The following SNX8 variants were observed in gnomAD, a reference collection of about 807,000 sequenced individuals.
SNX8 encodes sorting nexin-8.
SNX8 carries 25 observed loss-of-function variants against 51.6 expected under a neutral mutation model. The observed-to-expected ratio is 0.48, with a 90% CI of 0.35 to 0.68. The LOEUF is 0.68. SNX8 is among the 30% of genes least tolerant of loss of function. The pLI is 0.00. For missense variants in SNX8, 695 were observed against 624.0 expected (o/e 1.11, Z -1.21); for synonymous variants, 324 against 277.0 (o/e 1.17, Z -1.68).
chr7:2,343,415 C>T (rs1422988145), intron 1 of SNX8, among the ~76,000 whole-genome samples: 11 of 152,038 alleles, frequency 7.2e-5, no homozygotes, highest in Admixed American at 6.6e-4. Flanking sequence ...GTGGCTCACG[C>T]CTGTAATCCC....
chr7:2,312,105 C>A (rs575462465), intron 1 of SNX8, among the ~76,000 whole-genome samples: 1 of 152,092 alleles, frequency 6.6e-6, no homozygotes, highest in Non-Finnish European at 1.5e-5. Context: ...CCAGCAACCC[C>A]CATCTGTGGA....
chr7:2,313,857 TACTGGCCCAAGACC>T (rs1219217597), intron 1 of SNX8, among the ~76,000 whole-genome samples: 39 of 152,312 alleles, frequency 2.6e-4, no homozygotes, highest in Non-Finnish European at 5.4e-4. Flanking sequence ...GAGGTGAAAT[TACTGGCCCAAGACC>T]ACACAACCGA....
chr7:2,297,346 T>A (rs1796294352), intron 1 of SNX8, among the ~76,000 whole-genome samples: 1 of 151,228 alleles, frequency 6.6e-6, no homozygotes, highest in South Asian at 2.1e-4. Flanking sequence ...AGGTCAGGAG[T>A]TCGAGACCAG....
chr7:2,328,882 G>C (rs995355977), intron 1 of SNX8, among the ~76,000 whole-genome samples: 12 of 151,946 alleles, frequency 7.9e-5, no homozygotes, highest in African/African-American at 2.7e-4. Flanking sequence ...TCAGGAGATC[G>C]AGACCATCCT....
intron 1 of SNX8, among the ~76,000 whole-genome samples, chr7:2,295,618 A>T: frequency 1.4e-5 from 2 of 145,250 alleles, no homozygotes; most frequent in African/African-American, 2.5e-5. Flanking sequence ...AAAAAAAAAA[A>T]GGAAATGTGT....
chr7:2,302,155 C>A (rs1236825927), intron 1 of SNX8, among the ~76,000 whole-genome samples: 1 of 152,320 alleles, frequency 6.6e-6, no homozygotes, highest in Non-Finnish European at 1.5e-5. Context: ...GATGCCGAGC[C>A]GAAGCTGGAC....
At chr7:2,274,100 T>A (rs1795718541) in intron 3 of SNX8, among the ~76,000 whole-genome samples, 2 of 152,172 alleles carry the variant, frequency 1.3e-5, no homozygotes, top group Admixed American at 1.3e-4. Flanking sequence ...TGCCCAGGCC[T>A]GAGCCAGCAT....
chr7:2,270,527 C>T (rs1383921843), intron 4 of SNX8, among the ~76,000 whole-genome samples: 1 of 151,952 alleles, frequency 6.6e-6, no homozygotes, highest in Non-Finnish European at 1.5e-5. Context: ...TGTGGGAAGG[C>T]CACAGGGAAC....
chr7:2,353,193 T>C (rs532692595), intron 1 of SNX8, among the ~76,000 whole-genome samples: 1 of 152,162 alleles, frequency 6.6e-6, no homozygotes, highest in Admixed American at 6.6e-5. Context: ...GCAATGTACT[T>C]AATGTCACTG....
chr7:2,317,309 C>T (rs1384426610), upstream of SNX8, among the ~76,000 whole-genome samples: 2 of 100,720 alleles, frequency 2.0e-5, no homozygotes, highest in Non-Finnish European at 3.6e-5. Context: ...GACAGAGTCT[C>T]ACTCTGTTGC....
chr7:2,330,384 C>T (rs999880606), intron 1 of SNX8, among the ~76,000 whole-genome samples: 14 of 151,928 alleles, frequency 9.2e-5, no homozygotes, highest in South Asian at 2.1e-4. Context: ...GTGATCTGCC[C>T]GCCTTGGCCT....
intron 7 of SNX8, 39 bp downstream of exon 7, chr7:2,263,191 T>G: frequency 3.7e-6 from 6 of 1,610,414 alleles, no homozygotes; most frequent in Non-Finnish European, 5.1e-6. Context: ...GCATAGCGTG[T>G]TCTCTGGAAC....
At chr7:2,324,792 C>A (rs1778595661) in intron 1 of SNX8, among the ~76,000 whole-genome samples, 1 of 152,030 alleles carries the variant, frequency 6.6e-6, no homozygotes, top group Non-Finnish European at 1.5e-5. Flanking sequence ...CTACCAATTT[C>A]TTCTCAACAC....
chr7:2,294,848 A>G (rs1420740435), intron 1 of SNX8, among the ~76,000 whole-genome samples: 1 of 152,042 alleles, frequency 6.6e-6, no homozygotes, highest in African/African-American at 2.4e-5. Context: ...AGCCCGGGGA[A>G]CATGGCAATA....
intron 1 of SNX8, among the ~76,000 whole-genome samples, chr7:2,324,297 T>C (rs1486673297): frequency 2.7e-5 from 4 of 150,442 alleles, no homozygotes; most frequent in African/African-American, 4.9e-5. Context: ...TTCTTTCTTT[T>C]TTTTTTTTTT....
chr7:2,265,761 A>C (rs1252873168), intron 5 of SNX8, among the ~76,000 whole-genome samples: 1 of 152,250 alleles, frequency 6.6e-6, no homozygotes, highest in Non-Finnish European at 1.5e-5. Context: ...ACTTTTTATA[A>C]GATTTGATAC....
chr7:2,319,341 C>A (rs1181773252), upstream of SNX8, among the ~76,000 whole-genome samples: 3 of 144,094 alleles, frequency 2.1e-5, no homozygotes, highest in Non-Finnish European at 4.5e-5. Context: ...GACCCTGCCT[C>A]AAAAAAAATA....
chr7:2,318,667 CT>C (rs1031877264), upstream of SNX8, among the ~76,000 whole-genome samples: 7 of 151,264 alleles, frequency 4.6e-5, no homozygotes, highest in Non-Finnish European at 7.4e-5. Context: ...TGTACTCCAG[CT>C]TGGGCGAAAA....
chr7:2,265,850 G>A (rs1795450420), intron 5 of SNX8, among the ~76,000 whole-genome samples: 1 of 152,040 alleles, frequency 6.6e-6, no homozygotes, highest in Non-Finnish European at 1.5e-5. Flanking sequence ...GGTGGCTCAT[G>A]CCTTTAATCC....
Sources: gnomAD v4.1 joint callset for allele counts (sites outside exome capture counted in the v4.1 genomes callset) on GRCh38, gnomAD v4.1.1 for gene constraint, MANE v1.5 for transcripts, NCBI Gene and HGNC (gene_info 2026-07-23, HGNC 2026-07-21) for gene names.